NPC1: variants seen among roughly 807,000 people sequenced by gnomAD.
NPC1 encodes the protein Niemann-Pick C1 protein.
NPC1 carries 85 observed loss-of-function variants against 140.4 expected under a neutral mutation model. The ratio of observed to expected loss-of-function variants is 0.61; its 90% CI spans 0.51 to 0.72. The LOEUF is 0.72. Ranked by LOEUF, NPC1 falls within the 30% of genes least tolerant of loss-of-function variation. NPC1 has a pLI of 0.00. For synonymous variants in NPC1, 656 were observed against 624.8 expected, an observed-to-expected ratio of 1.05 and a Z score of -0.74; for missense variants, 1,504 against 1,623.8, an observed-to-expected ratio of 0.93 and a Z score of 1.27.
At chr18:23,580,040 T>C (rs143385605) in intron 1 of NPC1, among the ~76,000 whole-genome samples, 27 of 152,348 alleles carry the variant, frequency 1.8e-4, no homozygotes, top group African/African-American at 4.8e-4. Context: ...TCCTAAAGCA[T>C]TAACTAACAT....
At chr18:23,562,816 G>A (rs777925076) in intron 4 of NPC1, among the ~76,000 whole-genome samples, 4 of 151,648 alleles carry the variant, frequency 2.6e-5, no homozygotes, top group East Asian at 1.9e-4. Context: ...GCAAAACCCC[G>A]TCTCTACAAA....
chr18:23,539,040 T>C, intron 19 of NPC1: 1 of 452,884 alleles, frequency 2.2e-6, no homozygotes, highest in African/African-American at 2.0e-5. Context: ...AGAAAAGCCC[T>C]CCTCTGAGAA....
At chr18:23,542,977 G>A (rs2058732089) in intron 14 of NPC1, among the ~76,000 whole-genome samples, 1 of 152,144 alleles carries the variant, frequency 6.6e-6, no homozygotes, top group South Asian at 2.1e-4. Flanking sequence ...AGTTACTGCT[G>A]CCAATTTTTC....
At chr18:23,554,726 G>C (rs1292525772) in intron 9 of NPC1, 32 bp downstream of exon 9, 4 of 1,556,674 alleles carry the variant, frequency 2.6e-6, no homozygotes, top group Non-Finnish European at 3.5e-6. Context: ...CCCAAGAATG[G>C]TGTCTACCAA....
Position 23,531,683 on chromosome 18 carries a change from AATG to A in NPC1, c.*516_*518del, listed in dbSNP as rs931222511. Reference sequence around the variant, plus strand: ...AACAGATTTTTGGAGACCAAGCTCTAATGAGGCCTACAACATTCTGAAATCACT... The same window carrying A: ...AACAGATTTTTGGAGACCAAGCTCTAAGGCCTACAACATTCTGAAATCACT... On this transcript the variant is annotated 3_prime_UTR_variant, in exon 25 of 25. Transcript: ENST00000269228. 1 of 1,613,164 alleles carries A rather than the reference AATG, an allele frequency of 6.2e-7. No individual in the cohort carries two copies. The highest frequency in any genetic ancestry group is 8.5e-7 in the Non-Finnish European group (1 of 1,179,868).
chr18:23,577,662 G>C (rs375776235), intron 1 of NPC1, among the ~76,000 whole-genome samples: 1 of 152,358 alleles, frequency 6.6e-6, no homozygotes, highest in East Asian at 1.9e-4. Flanking sequence ...CGATGGGACT[G>C]GGCGCCGTGG....
intron 3 of NPC1, among the ~76,000 whole-genome samples, chr18:23,571,140 G>A (rs1362008783): frequency 2.0e-5 from 3 of 152,056 alleles, no homozygotes; most frequent in Non-Finnish European, 4.4e-5. Context: ...GAATGCAACT[G>A]GGAAGTGAAC....
rs759389979 is a variant in NPC1, at chr18:23,556,492, G to A, written c.1077C>T (p.Val359=). The A allele has an allele frequency of 4.3e-6, 7 of 1,614,080 alleles. No homozygotes were observed. The highest frequency in any genetic ancestry group is 5.9e-6 in the Non-Finnish European group (7 of 1,180,048). ...NPGCVIFFSL[V]FITACSSGLV... The stretch of plus-strand genomic sequence containing the variant: ...GGCCTGACGAACACGCAGTAATGAA[G>A]ACCAGCGAGAAGAAAATGACACAGC... The change falls in exon 8 of 25, where the codon GTC becomes GTT. Residue 359 remains valine (V), a synonymous_variant. Transcript: ENST00000269228.
chr18:23,542,256 CTTTTTTT>C (rs10711695), intron 14 of NPC1, among the ~76,000 whole-genome samples: 2 of 137,250 alleles, frequency 1.5e-5, no homozygotes, highest in East Asian at 2.1e-4. Context: ...AAAGTTTTTT[CTTTTTTT>C]TTTTTTTTTC....
downstream of NPC1, among the ~76,000 whole-genome samples, chr18:23,519,666 C>A (rs1351515380): frequency 1.3e-5 from 2 of 152,150 alleles, no homozygotes; most frequent in Admixed American, 1.3e-4. Context: ...AAAGATAATT[C>A]AAAACTATTT....
chr18:23,582,985 T>G (rs904566645), intron 1 of NPC1, among the ~76,000 whole-genome samples: 2 of 151,774 alleles, frequency 1.3e-5, no homozygotes, highest in Admixed American at 6.6e-5. Flanking sequence ...GGCATGCACC[T>G]GCAGTCCCAG....
chr18:23,568,923 C>A lies in NPC1; in HGVS notation c.363G>T (p.Leu121Phe). ...LTCSPRQSQF[L>F]NVTATEDYVD... Reference sequence around the variant, plus strand: ...CATAATCTTCAGTAGCTGTAACATTCAAAAACTGACTCTGTCGAGGGCTAC... The same window carrying A: ...CATAATCTTCAGTAGCTGTAACATTAAAAAACTGACTCTGTCGAGGGCTAC... Residue 121 changes from leucine (L) to phenylalanine (F), a missense_variant, in exon 4 of 25, where the codon TTG (leucine) becomes TTT (phenylalanine). Transcript: ENST00000269228. The A allele has an allele frequency of 6.2e-7, 1 of 1,613,906 alleles. No individual in the cohort carries two copies. Among genetic ancestry groups the A allele is most frequent in the Non-Finnish European group, 8.5e-7 (1 of 1,179,842 alleles).
intron 3 of NPC1, among the ~76,000 whole-genome samples, chr18:23,507,415 T>TA (rs1347540068): frequency 1.3e-5 from 2 of 151,500 alleles, no homozygotes; most frequent in Non-Finnish European, 2.9e-5. Flanking sequence ...ATTTGGAACT[T>TA]CATGTGTCTT....
At chr18:23,558,758 C>T (rs2145470826) in intron 6 of NPC1, among the ~76,000 whole-genome samples, 1 of 152,040 alleles carries the variant, frequency 6.6e-6, no homozygotes, top group East Asian at 1.9e-4. Context: ...TTTTAGGGTG[C>T]ATGTGCACAA....
chr18:23,546,559 G>A (rs1251500678), intron 11 of NPC1, among the ~76,000 whole-genome samples: 1 of 152,140 alleles, frequency 6.6e-6, no homozygotes, highest in Admixed American at 6.5e-5. Flanking sequence ...ACAAGAACTT[G>A]TACTCAAGTG....
intron 1 of NPC1, among the ~76,000 whole-genome samples, chr18:23,580,669 G>A (rs1210228674): frequency 6.6e-6 from 1 of 152,214 alleles, no homozygotes; most frequent in Non-Finnish European, 1.5e-5. Context: ...CTCCAGTGAG[G>A]CGATGGAGGA....
At chr18:23,527,647 G>T, downstream of NPC1, 2 of 278,212 alleles carry the variant, frequency 7.2e-6, no homozygotes, top group Admixed American at 6.9e-5. Context: ...ATGACATCTA[G>T]CTGTCAGGTC....
At chr18:23,576,583 C>T (rs1037561970) in intron 1 of NPC1, 3 of 745,906 alleles carry the variant, frequency 4.0e-6, no homozygotes, top group Non-Finnish European at 4.9e-6. Flanking sequence ...AGAATGAAGC[C>T]GCGGACCCTG....
At chr18:23,526,023 C>T (rs989264684), downstream of NPC1, among the ~76,000 whole-genome samples, 5 of 152,156 alleles carry the variant, frequency 3.3e-5, no homozygotes, top group African/African-American at 1.2e-4. Flanking sequence ...TTTTCCTGTA[C>T]AGCTGCTCTG....
Sources: gnomAD v4.1 joint callset for allele counts (sites outside exome capture counted in the v4.1 genomes callset) on GRCh38, gnomAD v4.1.1 for gene constraint, MANE v1.5 for transcripts, NCBI Gene and HGNC (gene_info 2026-07-23, HGNC 2026-07-21) for gene names.